KSR2: variants seen among roughly 807,000 people sequenced by gnomAD.
KSR2 encodes the protein kinase suppressor of ras 2.
Under a neutral mutation model 107.8 loss-of-function variants are expected in KSR2, and 25 were observed. That is an observed-to-expected ratio of 0.23 (90% CI 0.17 to 0.32). The LOEUF is 0.32. Ranked by LOEUF, KSR2 falls within the 10% of genes least tolerant of loss-of-function variation. The pLI is 1.00. For synonymous variants in KSR2, 480 were observed against 507.0 expected, an observed-to-expected ratio of 0.95 and a Z score of 0.71; for missense variants, 887 against 1,268.9, an observed-to-expected ratio of 0.70 and a Z score of 4.57.
intron 1 of KSR2, among the ~76,000 whole-genome samples, chr12:117,865,979 T>C (rs2137265418): frequency 6.6e-6 from 1 of 152,264 alleles, no homozygotes; most frequent in South Asian, 2.1e-4. Flanking sequence ...ATAGTCTCTG[T>C]TGAATGATAC....
At chr12:117,640,996 G>A (rs1301040362) in intron 5 of KSR2, among the ~76,000 whole-genome samples, 1 of 152,024 alleles carries the variant, frequency 6.6e-6, no homozygotes, top group Non-Finnish European at 1.5e-5. Context: ...TAGACACTGT[G>A]TTAGTCTCCT....
chr12:117,919,971 C>T (rs1165995562), intron 1 of KSR2, among the ~76,000 whole-genome samples: 1 of 152,190 alleles, frequency 6.6e-6, no homozygotes, highest in Non-Finnish European at 1.5e-5. Context: ...TACAATGTAG[C>T]ACTTTAAAAG....
chr12:117,562,844 C>T (rs1158809304), intron 7 of KSR2, among the ~76,000 whole-genome samples: 1 of 152,212 alleles, frequency 6.6e-6, no homozygotes, highest in Non-Finnish European at 1.5e-5. Context: ...GGAAACACAG[C>T]CTTGCTCATG....
At chr12:117,519,126 T>C (rs1264919105) in intron 14 of KSR2, among the ~76,000 whole-genome samples, 5 of 152,130 alleles carry the variant, frequency 3.3e-5, no homozygotes, top group Admixed American at 3.3e-4. Flanking sequence ...GGAAGGCGCG[T>C]TAGTGGAATG....
intron 5 of KSR2, among the ~76,000 whole-genome samples, chr12:117,622,993 G>C (rs1424803282): frequency 1.3e-5 from 2 of 152,148 alleles, no homozygotes; most frequent in Non-Finnish European, 2.9e-5. Flanking sequence ...GTGACTCAAA[G>C]CACAGGTATT....
chr12:117,881,013 G>A (rs1358781792), intron 1 of KSR2, among the ~76,000 whole-genome samples: 1 of 151,458 alleles, frequency 6.6e-6, no homozygotes, highest in Non-Finnish European at 1.5e-5. Flanking sequence ...CTATCACCCA[G>A]GGCAGATTTT....
intron 7 of KSR2, among the ~76,000 whole-genome samples, chr12:117,560,922 G>T (rs954097996): frequency 6.6e-6 from 1 of 152,140 alleles, no homozygotes; most frequent in Non-Finnish European, 1.5e-5. Flanking sequence ...GCCAACAAGA[G>T]GCTGGTGCCA....
At chr12:117,939,944 A>AACACACACAC (rs10561468) in intron 1 of KSR2, among the ~76,000 whole-genome samples, 129 of 140,168 alleles carry the variant, frequency 9.2e-4, no homozygotes, top group African/African-American at 3.1e-3. Flanking sequence ...CCATCTTAAA[A>AACACACACAC]ACACACACAC....
At chr12:117,731,930 T>A (rs491467) in intron 4 of KSR2, among the ~76,000 whole-genome samples, 1 of 126,420 alleles carries the variant, frequency 7.9e-6, no homozygotes, top group Non-Finnish European at 1.8e-5. Flanking sequence ...CTAGGAAAAC[T>A]AGAGACCCTT....
intron 5 of KSR2, among the ~76,000 whole-genome samples, chr12:117,604,223 G>A (rs1205884147): frequency 6.6e-6 from 1 of 152,130 alleles, no homozygotes; most frequent in Non-Finnish European, 1.5e-5. Flanking sequence ...ACCCCACTCA[G>A]CATAAATTCC....
At chr12:117,772,961 C>T (rs1889558361) in intron 3 of KSR2, among the ~76,000 whole-genome samples, 1 of 152,196 alleles carries the variant, frequency 6.6e-6, no homozygotes, top group Non-Finnish European at 1.5e-5. Context: ...CTCTCCACCC[C>T]TACACTTCAA....
At chr12:117,795,932 G>T (rs1890609763) in intron 3 of KSR2, among the ~76,000 whole-genome samples, 1 of 151,980 alleles carries the variant, frequency 6.6e-6, no homozygotes, top group South Asian at 2.1e-4. Flanking sequence ...TGTTGTTATT[G>T]TTGTTGTTTT....
At chr12:117,731,605 G>C (rs936133321) in intron 4 of KSR2, among the ~76,000 whole-genome samples, 2 of 152,186 alleles carry the variant, frequency 1.3e-5, no homozygotes, top group Non-Finnish European at 2.9e-5. Flanking sequence ...AGGGGGAAAT[G>C]TGGGGAAAAG....
intron 1 of KSR2, among the ~76,000 whole-genome samples, chr12:117,887,328 C>G (rs996847037): frequency 1.3e-5 from 2 of 152,084 alleles, no homozygotes; most frequent in Non-Finnish European, 2.9e-5. Flanking sequence ...TCTTAAACTC[C>G]TGGGCTCAAG....
At chr12:117,867,176 C>A (rs1014463564) in intron 1 of KSR2, among the ~76,000 whole-genome samples, 3 of 152,078 alleles carry the variant, frequency 2.0e-5, no homozygotes, top group African/African-American at 7.2e-5. Flanking sequence ...ATGATCCAGG[C>A]ATGGTGTTGT....
intron 4 of KSR2, among the ~76,000 whole-genome samples, chr12:117,697,838 G>T (rs565114927): frequency 1.3e-5 from 2 of 151,482 alleles, no homozygotes; most frequent in East Asian, 3.9e-4. Context: ...CAGTATCAAA[G>T]AATGTAATAT....
chr12:117,772,561 AAC>A (rs771370614), intron 3 of KSR2, among the ~76,000 whole-genome samples: 1 of 71,652 alleles, frequency 1.4e-5, no homozygotes, highest in Non-Finnish European at 2.7e-5. Context: ...AAGACGCACA[AAC>A]ACACACTCAT....
At chr12:117,827,121 G>A (rs1891789129) in intron 3 of KSR2, among the ~76,000 whole-genome samples, 1 of 151,602 alleles carries the variant, frequency 6.6e-6, no homozygotes, top group Admixed American at 6.6e-5. Context: ...CTCTGCTCCT[G>A]ACTTCAAAAA....
At chr12:117,875,581 G>A (rs1893815647) in intron 1 of KSR2, among the ~76,000 whole-genome samples, 1 of 152,062 alleles carries the variant, frequency 6.6e-6, no homozygotes, top group Non-Finnish European at 1.5e-5. Context: ...AGAGCCCTCT[G>A]TGTCCCTCAG....
Sources: gnomAD v4.1 joint callset for allele counts (sites outside exome capture counted in the v4.1 genomes callset) on GRCh38, gnomAD v4.1.1 for gene constraint, MANE v1.5 for transcripts, NCBI Gene and HGNC (gene_info 2026-07-23, HGNC 2026-07-21) for gene names.